COL9A1: variants seen among roughly 807,000 people sequenced by gnomAD.
The protein encoded by COL9A1 is collagen type IX alpha 1 chain.
Under a neutral mutation model 142.6 loss-of-function variants are expected in COL9A1, and 104 were observed. The ratio of observed to expected loss-of-function variants is 0.73; its 90% CI spans 0.62 to 0.86. The LOEUF (loss-of-function observed/expected upper bound fraction) is 0.86. COL9A1 is among the 40% of genes least tolerant of loss of function. The pLI, the probability that COL9A1 is intolerant of heterozygous loss-of-function variation, is 0.00. For missense variants in COL9A1, 1,210 were observed against 1,176.6 expected (o/e 1.03, Z -0.42); for synonymous variants, 466 against 396.0 (o/e 1.18, Z -2.10).
chr6:70,302,454 C>T (rs1774108907), intron 1 of COL9A1, among the ~76,000 whole-genome samples: 1 of 151,930 alleles, frequency 6.6e-6, no homozygotes, highest in South Asian at 2.1e-4. Context: ...GTGATTCGCC[C>T]GCCTCGGCCT....
intron 14 of COL9A1, among the ~76,000 whole-genome samples, chr6:70,270,781 T>C (rs954946178): frequency 1.3e-5 from 2 of 152,236 alleles, no homozygotes; most frequent in African/African-American, 4.8e-5. Flanking sequence ...AACTGTGGAA[T>C]GGAAGGTTAA....
chr6:70,280,077 A>G (rs1773047513), intron 10 of COL9A1: 1 of 676,650 alleles, frequency 1.5e-6, no homozygotes. Flanking sequence ...AGAATCCTGA[A>G]GTCATTTTAC....
intron 33 of COL9A1, among the ~76,000 whole-genome samples, chr6:70,236,306 T>C (rs1769908762): frequency 6.6e-6 from 1 of 152,082 alleles, no homozygotes; most frequent in South Asian, 2.1e-4. Context: ...AAAAGAATCA[T>C]CTAAGATAAA....
At chr6:70,221,138 T>C (rs905228186) in intron 37 of COL9A1, among the ~76,000 whole-genome samples, 2 of 152,106 alleles carry the variant, frequency 1.3e-5, no homozygotes, top group African/African-American at 2.4e-5. Context: ...TCATTCTCTA[T>C]AAAACCACTA....
chr6:70,232,814 T>C (rs1242938023), intron 35 of COL9A1, 43 bp from the exon 36 acceptor site: 3 of 1,558,786 alleles, frequency 1.9e-6, no homozygotes, highest in South Asian at 2.3e-5. Context: ...GTCAGAAACA[T>C]AAAAGTTATT....
At chr6:70,284,770 T>G (rs552377108) in intron 5 of COL9A1, among the ~76,000 whole-genome samples, 17 of 152,360 alleles carry the variant, frequency 1.1e-4, no homozygotes, top group African/African-American at 3.8e-4. Context: ...TCTTTGTCAT[T>G]GATGTTATGC....
chr6:70,301,070 GA>G (rs1385297920), intron 2 of COL9A1, among the ~76,000 whole-genome samples: 2 of 152,084 alleles, frequency 1.3e-5, no homozygotes, highest in African/African-American at 2.4e-5. Flanking sequence ...AGAGTAAAAA[GA>G]AGAAGAAAAT....
intron 37 of COL9A1, among the ~76,000 whole-genome samples, chr6:70,218,138 G>A (rs560859980): frequency 2.6e-5 from 4 of 152,082 alleles, no homozygotes; most frequent in Non-Finnish European, 4.4e-5. Context: ...ACAAGACTTC[G>A]TCTTAAAAAT....
chr6:70,231,322 A>C (rs953352110), intron 36 of COL9A1, among the ~76,000 whole-genome samples: 1 of 152,206 alleles, frequency 6.6e-6, no homozygotes, highest in African/African-American at 2.4e-5. Context: ...TTACAGAGTG[A>C]ATTGAGACTA....
At chr6:70,278,507 A>G (rs1242420297) in intron 10 of COL9A1, among the ~76,000 whole-genome samples, 2 of 152,226 alleles carry the variant, frequency 1.3e-5, no homozygotes, top group African/African-American at 4.8e-5. Context: ...AAATGCAAAT[A>G]GTATAGTTGA....
At chr6:70,225,207 T>C (rs934332338) in intron 37 of COL9A1, among the ~76,000 whole-genome samples, 2 of 152,156 alleles carry the variant, frequency 1.3e-5, no homozygotes, top group African/African-American at 2.4e-5. Flanking sequence ...GCCCTTAAAC[T>C]GAACTGGCTT....
chr6:70,271,972 T>C (rs896724919), intron 13 of COL9A1, 93 bp downstream of exon 13: 2 of 1,298,646 alleles, frequency 1.5e-6, no homozygotes, highest in African/African-American at 1.5e-5. Flanking sequence ...TAAACACCAC[T>C]GAGTAGACCG....
In COL9A1 at chr6:70,226,027, A is replaced by C; in HGVS notation, c.2504-18T>G. 6.3e-7 allele frequency: 1 copy of C among 1,599,864 alleles called. No homozygotes were observed. Among genetic ancestry groups the C allele is most frequent in the Non-Finnish European group, 8.6e-7 (1 of 1,167,976 alleles). On this transcript the variant is annotated intron_variant, in intron 36 of 37. Coordinates refer to ENST00000357250, the MANE Select transcript of COL9A1 (RefSeq NM_001851.6). ...CAAGTCACCTGCATTACATTAAAGAAATGTTATTTTTCTACATATCTATAA... is the reference window on the plus strand; with the variant it reads ...CAAGTCACCTGCATTACATTAAAGACATGTTATTTTTCTACATATCTATAA...
chr6:70,255,294 C>T lies in COL9A1; in HGVS notation c.1557+43G>A, dbSNP rs568922607. ...AGAGATCAGCATAATCAGCAGATGA[C>T]ACTGAAAAGCAGGAGGCTTGGAGTG... On this transcript the variant is annotated intron_variant, in intron 22 of 37. Coordinates refer to ENST00000357250, the MANE Select transcript of COL9A1 (RefSeq NM_001851.6). 44 of 1,610,700 alleles carry T rather than the reference C, an allele frequency of 2.7e-5. No individual in the cohort carries two copies. The South Asian group carries it at 4.6e-4, about 17-fold the overall frequency.
At chr6:70,276,879 C>T (rs560342595) in intron 10 of COL9A1, among the ~76,000 whole-genome samples, 33 of 152,324 alleles carry the variant, frequency 2.2e-4, no homozygotes, top group Middle Eastern at 3.4e-3. Context: ...GTGTTCTAGA[C>T]GCTGTTCCTC....
intron 29 of COL9A1, 200 bp from the exon 30 acceptor site, chr6:70,242,235 A>C: frequency 1.6e-6 from 1 of 635,384 alleles, no homozygotes; most frequent in Non-Finnish European, 2.8e-6. Context: ...CCTTCACTCC[A>C]CCCTAAGGTC....
chr6:70,273,083 T>C (rs1772513817), intron 12 of COL9A1, among the ~76,000 whole-genome samples: 1 of 152,182 alleles, frequency 6.6e-6, no homozygotes, highest in Non-Finnish European at 1.5e-5. Flanking sequence ...ATAATGATAT[T>C]ATTATTTCTA....
intron 12 of COL9A1, 151 bp from the exon 13 acceptor site, chr6:70,272,239 A>G: frequency 1.6e-6 from 1 of 620,904 alleles, no homozygotes; most frequent in Non-Finnish European, 2.8e-6. Flanking sequence ...AAAAGCAAAC[A>G]CGGCTCTGCT....
chr6:70,294,150 T>G lies in COL9A1; in HGVS notation c.696+17A>C, dbSNP rs1773757507. On this transcript the variant is annotated intron_variant, in intron 5 of 37. Transcript: ENST00000357250. ...AGTTTTGCTTTAATCTGCCATAGTG[T>G]GTGGTTTTATACTTACTGGAACAGA... The G allele has an allele frequency of 6.2e-7, 1 of 1,613,748 alleles. No homozygotes were observed. The highest frequency in any genetic ancestry group is 1.7e-5 in the Admixed American group (1 of 59,992).
Sources: gnomAD v4.1 joint callset for allele counts (sites outside exome capture counted in the v4.1 genomes callset) on GRCh38, gnomAD v4.1.1 for gene constraint, MANE v1.5 for transcripts, NCBI Gene and HGNC (gene_info 2026-07-23, HGNC 2026-07-21) for gene names.